The following NMNAT2 variants were observed in gnomAD, a reference collection of about 807,000 sequenced individuals.
The protein encoded by NMNAT2 is nicotinamide/nicotinic acid mononucleotide adenylyltransferase 2.
NMNAT2 carries 11 observed loss-of-function variants against 41.6 expected under a neutral mutation model. The ratio of observed to expected loss-of-function variants is 0.26; its 90% CI spans 0.17 to 0.44. The LOEUF is 0.44. NMNAT2 is among the 20% of genes least tolerant of loss of function. The pLI is 1.00. For synonymous variants in NMNAT2, 148 were observed against 151.2 expected, an observed-to-expected ratio of 0.98 and a Z score of 0.16; for missense variants, 288 against 407.7, an observed-to-expected ratio of 0.71 and a Z score of 2.53.
chr1:183,260,511 C>T (rs979595553), intron 10 of NMNAT2, among the ~76,000 whole-genome samples: 60 of 151,960 alleles, frequency 3.9e-4, no homozygotes, highest in Admixed American at 3.1e-3. Context: ...ATGGACTGTC[C>T]TCCCTTTTAA....
chr1:183,255,881 C>T (rs1660504309), intron 10 of NMNAT2, among the ~76,000 whole-genome samples: 1 of 151,818 alleles, frequency 6.6e-6, no homozygotes, highest in African/African-American at 2.4e-5. Flanking sequence ...CCAGACTGGT[C>T]TCTAACTCCT....
At chr1:183,418,077 C>T (rs1649305197) in intron 1 of NMNAT2, 106 bp downstream of exon 1, 4 of 1,056,642 alleles carry the variant, frequency 3.8e-6, no homozygotes, top group Non-Finnish European at 5.8e-6. Context: ...CCGGCCCACC[C>T]CTCCGAAGGG....
At chr1:183,284,259 G>A (rs1661343462) in intron 6 of NMNAT2, among the ~76,000 whole-genome samples, 1 of 152,196 alleles carries the variant, frequency 6.6e-6, no homozygotes, top group African/African-American at 2.4e-5. Context: ...CACATTGCTG[G>A]GACTTTCAGA....
At chr1:183,265,132 A>G (rs1197875962) in intron 8 of NMNAT2, among the ~76,000 whole-genome samples, 1 of 149,502 alleles carries the variant, frequency 6.7e-6, no homozygotes, top group East Asian at 2.0e-4. Flanking sequence ...GGCATCTCAA[A>G]CTTAATATGT....
intron 1 of NMNAT2, among the ~76,000 whole-genome samples, chr1:183,342,249 G>C (rs1662836155): frequency 6.6e-6 from 1 of 152,060 alleles, no homozygotes; most frequent in African/African-American, 2.4e-5. Flanking sequence ...CAGCACTTTT[G>C]GGAGGCTGAG....
intron 1 of NMNAT2, among the ~76,000 whole-genome samples, chr1:183,321,948 A>G (rs1044345890): frequency 1.4e-4 from 22 of 151,874 alleles, no homozygotes; most frequent in African/African-American, 5.1e-4. Context: ...CTTCCTGAAT[A>G]ACTGGAGCCA....
chr1:183,272,043 A>G (rs530186), intron 8 of NMNAT2, among the ~76,000 whole-genome samples: 147,440 of 152,314 alleles, frequency 0.97, 71,555 homozygotes, highest in East Asian at 1. Flanking sequence ...ATGAGCCACC[A>G]CACCTGGCCT....
At chr1:183,317,877 A>G (rs951524592) in intron 1 of NMNAT2, among the ~76,000 whole-genome samples, 4 of 152,214 alleles carry the variant, frequency 2.6e-5, no homozygotes. Context: ...CAAAAGAAAA[A>G]AATATTTAAA....
At chr1:183,355,125 C>T (rs1207226431) in intron 1 of NMNAT2, among the ~76,000 whole-genome samples, 1 of 152,150 alleles carries the variant, frequency 6.6e-6, no homozygotes, top group African/African-American at 2.4e-5. Context: ...CCCTTTCTTC[C>T]TCAGTTTCCA....
intron 1 of NMNAT2, among the ~76,000 whole-genome samples, chr1:183,404,946 C>G (rs1435880278): frequency 6.6e-6 from 1 of 152,070 alleles, no homozygotes; most frequent in Admixed American, 6.6e-5. Flanking sequence ...TCAGGCCGGG[C>G]GAGGTGGCTT....
chr1:183,415,312 A>T (rs1047243641), intron 1 of NMNAT2, among the ~76,000 whole-genome samples: 3 of 152,210 alleles, frequency 2.0e-5, no homozygotes, highest in Non-Finnish European at 2.9e-5. Flanking sequence ...TGTATTAATT[A>T]TTTCCGTGTT....
At chr1:183,270,019 G>T (rs1660942294) in intron 8 of NMNAT2, among the ~76,000 whole-genome samples, 2 of 152,138 alleles carry the variant, frequency 1.3e-5, no homozygotes, top group South Asian at 4.1e-4. Flanking sequence ...AAGTAGCTGG[G>T]ACTACAGGCA....
intron 1 of NMNAT2, among the ~76,000 whole-genome samples, chr1:183,389,863 A>G (rs1417691420): frequency 6.6e-5 from 4 of 60,530 alleles, no homozygotes; most frequent in Admixed American, 3.6e-4. Flanking sequence ...AGAAAGAAAG[A>G]AAGAAAGAAG....
chr1:183,372,893 A>G (rs2101911835), intron 1 of NMNAT2, among the ~76,000 whole-genome samples: 1 of 152,338 alleles, frequency 6.6e-6, no homozygotes, highest in East Asian at 1.9e-4. Flanking sequence ...AAAGGTTAAT[A>G]TCGCAGGGCC....
At chr1:183,411,541 T>C (rs968707183) in intron 1 of NMNAT2, among the ~76,000 whole-genome samples, 2 of 151,944 alleles carry the variant, frequency 1.3e-5, no homozygotes, top group Admixed American at 6.6e-5. Context: ...TGACCTCAAG[T>C]GATCTGCTTG....
chr1:183,404,819 C>T (rs184159424), intron 1 of NMNAT2, among the ~76,000 whole-genome samples: 34 of 152,338 alleles, frequency 2.2e-4, no homozygotes, highest in African/African-American at 8.2e-4. Flanking sequence ...CCCATACCAA[C>T]CCTGTCTGCA....
At chr1:183,406,782 TA>T (rs1648966861) in intron 1 of NMNAT2, among the ~76,000 whole-genome samples, 1 of 143,982 alleles carries the variant, frequency 6.9e-6, no homozygotes, top group Non-Finnish European at 1.5e-5. Context: ...TGCAACTAAA[TA>T]AAAAAGAAAC....
At chr1:183,291,960 T>G (rs1028712742) in intron 3 of NMNAT2, among the ~76,000 whole-genome samples, 2 of 152,116 alleles carry the variant, frequency 1.3e-5, no homozygotes, top group Non-Finnish European at 1.5e-5. Flanking sequence ...TTCCCTTCAC[T>G]GCTCTCATTC....
rs139889434 is a variant in NMNAT2, at chr1:183,392,915, G to A, written c.85+25268C>T. Reference sequence around the variant, plus strand: ...ATTTCTTTTTTAATTCCTGATACTTGTAACCCTAACATACTACATCATTTC... The same window carrying A: ...ATTTCTTTTTTAATTCCTGATACTTATAACCCTAACATACTACATCATTTC... On this transcript the variant is annotated intron_variant, in intron 1 of 10. Coordinates refer to ENST00000287713, the MANE Select transcript of NMNAT2 (RefSeq NM_015039.4). Among the ~76,000 whole-genome samples, 98 of 152,018 alleles carry A rather than the reference G, an allele frequency of 6.4e-4. 2 individuals are homozygous for A. In the East Asian group the frequency reaches 0.014, roughly 22 times the overall value.
Sources: allele counts gnomAD v4.1 joint callset (sites outside exome capture counted in the v4.1 genomes callset), GRCh38; gene constraint gnomAD v4.1.1; transcripts MANE v1.5; gene names NCBI Gene and HGNC (gene_info 2026-07-23, HGNC 2026-07-21).